RARB: variants seen among roughly 807,000 people sequenced by gnomAD.
The protein encoded by RARB is retinoic acid receptor beta, also known as HBV-activated protein.
RARB carries 17 observed loss-of-function variants against 51.9 expected under a neutral mutation model. The ratio of observed to expected loss-of-function variants is 0.33; its 90% CI spans 0.22 to 0.49. The LOEUF is 0.49. Ranked by LOEUF, RARB falls within the 20% of genes least tolerant of loss-of-function variation. RARB has a pLI of 0.99. For missense variants in RARB, 369 were observed against 550.8 expected (o/e 0.67, Z 3.30); for synonymous variants, 215 against 195.4 (o/e 1.10, Z -0.84).
intron 2 of RARB, among the ~76,000 whole-genome samples, chr3:25,488,455 G>A (rs781071808): frequency 2.0e-5 from 3 of 152,140 alleles, no homozygotes; most frequent in Non-Finnish European, 2.9e-5. Flanking sequence ...TTGTCCTTCT[G>A]GAGAAAATGA....
intron 3 of RARB, among the ~76,000 whole-genome samples, chr3:25,108,610 A>C (rs1410911027): frequency 6.6e-6 from 1 of 152,170 alleles, no homozygotes; most frequent in Non-Finnish European, 1.5e-5. Context: ...GAAATGTCTA[A>C]TTCAGTGTCC....
intron 2 of RARB, among the ~76,000 whole-genome samples, chr3:24,895,271 TA>T (rs900893415): frequency 2.0e-5 from 3 of 152,248 alleles, no homozygotes; most frequent in Non-Finnish European, 4.4e-5. Context: ...TTGGTCAATA[TA>T]TTTAGTTTAC....
At chr3:25,408,897 G>A (rs748313415) in intron 5 of RARB, among the ~76,000 whole-genome samples, 5 of 152,110 alleles carry the variant, frequency 3.3e-5, no homozygotes, top group Non-Finnish European at 7.4e-5. Flanking sequence ...AGCTGGGCGT[G>A]GTGACAGGCA....
intron 1 of RARB, among the ~76,000 whole-genome samples, chr3:25,439,964 T>C (rs1708592589): frequency 6.6e-6 from 1 of 152,158 alleles, no homozygotes; most frequent in South Asian, 2.1e-4. Flanking sequence ...GTAGACATTC[T>C]TCGTGCACTG....
Position 25,340,860 on chromosome 3 carries a change from A to C in RARB, c.179-120333A>C, listed in dbSNP as rs367757364. Among the ~76,000 whole-genome samples the C allele has an allele frequency of 1.1e-4, 17 of 152,326 alleles. No individual in the cohort carries two copies. The South Asian group carries it at 3.5e-3, about 32-fold the overall frequency. On this transcript the variant is annotated intron_variant, in intron 5 of 11. Coordinates refer to the RARB transcript ENST00000383772. The stretch of plus-strand genomic sequence containing the variant: ...TCAATTTATTCAGCAAATAATTATG[A>C]GGAATGAAGCTGAGTAGAATTGCCT...
chr3:25,184,699 T>C (rs1051732039), intron 5 of RARB, among the ~76,000 whole-genome samples: 14 of 152,214 alleles, frequency 9.2e-5, no homozygotes, highest in Middle Eastern at 3.4e-3. Flanking sequence ...TTACATCAAT[T>C]GATACATGTA....
In RARB at chr3:25,233,409, C is replaced by T. The variant is rs185370342; in HGVS notation, c.178+58834C>T. Among the ~76,000 whole-genome samples, 412 of 152,180 alleles carry T rather than the reference C, an allele frequency of 2.7e-3. 2 individuals are homozygous for T. Among genetic ancestry groups the T allele is most frequent in the African/African-American group, 9.6e-3 (397 of 41,528 alleles). On this transcript the variant is annotated intron_variant, in intron 5 of 11. Coordinates refer to the RARB transcript ENST00000383772. ...ACGTCCTGCAACCTTGCTAACATCA[C>T]TTATTAGTTCTAGGAGGTTTGTGTG...
chr3:25,289,039 A>G (rs1418280538), intron 5 of RARB, among the ~76,000 whole-genome samples: 1 of 152,226 alleles, frequency 6.6e-6, no homozygotes, highest in African/African-American at 2.4e-5. Context: ...CACTGAGGCA[A>G]CGCTTCATAA....
intron 2 of RARB, among the ~76,000 whole-genome samples, chr3:25,057,555 T>G (rs1698464423): frequency 6.6e-6 from 1 of 152,054 alleles, no homozygotes; most frequent in African/African-American, 2.4e-5. Flanking sequence ...ATTGAGTAAC[T>G]TTGAATCCAA....
At chr3:25,000,226 C>G (rs12330152) in intron 2 of RARB, among the ~76,000 whole-genome samples, 2 of 152,130 alleles carry the variant, frequency 1.3e-5, no homozygotes, top group African/African-American at 4.8e-5. Context: ...GTTTGAGGTA[C>G]TAGTGCTTTA....
At chr3:25,522,418 C>G (rs1023296831) in intron 3 of RARB, among the ~76,000 whole-genome samples, 3 of 152,166 alleles carry the variant, frequency 2.0e-5, no homozygotes, top group Admixed American at 6.5e-5. Context: ...GTATACCAAA[C>G]ACAGACCGCT....
intron 2 of RARB, among the ~76,000 whole-genome samples, chr3:24,983,180 A>G (rs1220016009): frequency 6.6e-6 from 1 of 152,112 alleles, no homozygotes; most frequent in African/African-American, 2.4e-5. Flanking sequence ...TCCTGGTGAT[A>G]TTGCAACATA....
chr3:25,366,147 A>G (rs1158796991), intron 5 of RARB, among the ~76,000 whole-genome samples: 1 of 152,200 alleles, frequency 6.6e-6, no homozygotes, highest in Non-Finnish European at 1.5e-5. Context: ...AAGGCTTCAC[A>G]TCCATTTTCT....
At chr3:24,955,934 C>T (rs1010951151) in intron 2 of RARB, among the ~76,000 whole-genome samples, 1 of 152,110 alleles carries the variant, frequency 6.6e-6, no homozygotes, top group Non-Finnish European at 1.5e-5. Context: ...GTCTCCTCTT[C>T]TCTTGAGGCT....
chr3:25,493,482 C>A (rs1696852988), intron 2 of RARB, among the ~76,000 whole-genome samples: 1 of 152,222 alleles, frequency 6.6e-6, no homozygotes, highest in Non-Finnish European at 1.5e-5. Flanking sequence ...TGGCAGCTCT[C>A]TGCTGGCCTG....
At chr3:25,501,027 C>A (rs913663413) in intron 2 of RARB, among the ~76,000 whole-genome samples, 155 bp from the exon 3 acceptor site, 1 of 152,066 alleles carries the variant, frequency 6.6e-6, no homozygotes, top group African/African-American at 2.4e-5. Flanking sequence ...CTATTGATAT[C>A]TCACGAGGAT....
In RARB at chr3:25,131,324, C is replaced by T. The variant is rs376010859; in HGVS notation, c.-327-837C>T. On this transcript the variant is annotated intron_variant, in intron 3 of 11. Transcript: ENST00000383772. The stretch of plus-strand genomic sequence containing the variant: ...TTAGCTGGAGTCATTCGCTCTTTAA[C>T]ATGAAGCTCTTCAGTGACTTGGCTC... 1.5e-4 allele frequency among the ~76,000 whole-genome samples: 23 copies of T among 152,176 alleles called. 1 individual carries two copies. The South Asian group carries it at 4.1e-3, about 27-fold the overall frequency.
At chr3:25,444,100 T>C (rs1454782538) in intron 1 of RARB, among the ~76,000 whole-genome samples, 1 of 152,202 alleles carries the variant, frequency 6.6e-6, no homozygotes, top group Non-Finnish European at 1.5e-5. Context: ...GCTTATTATG[T>C]GTCAGGTGCT....
At chr3:25,170,415 C>G (rs775150627) in intron 4 of RARB, among the ~76,000 whole-genome samples, 2 of 152,052 alleles carry the variant, frequency 1.3e-5, no homozygotes, top group Non-Finnish European at 2.9e-5. Flanking sequence ...AGGGGAGGCT[C>G]TTCCCAGAGT....
Sources: gnomAD v4.1 joint callset for allele counts (sites outside exome capture counted in the v4.1 genomes callset) on GRCh38, gnomAD v4.1.1 for gene constraint, MANE v1.5 for transcripts, NCBI Gene and HGNC (gene_info 2026-07-23, HGNC 2026-07-21) for gene names.